Variants in BOK observed in about 807,000 individuals in gnomAD.
BOK encodes BCL2 family apoptosis regulator BOK, also known as bcl-2-related ovarian killer protein.
Under a neutral mutation model 18.3 loss-of-function variants are expected in BOK, and 20 were observed. That is an observed-to-expected ratio of 1.09 (90% CI 0.77 to 1.59). The LOEUF (loss-of-function observed/expected upper bound fraction) is 1.59. Ranked by LOEUF, BOK falls within the 40% of genes most tolerant of loss-of-function variation. BOK has a pLI of 0.00. For missense variants in BOK, 348 were observed against 307.9 expected (o/e 1.13, Z -0.97); for synonymous variants, 173 against 142.4 (o/e 1.21, Z -1.53).
In BOK at chr2:241,558,926, G is replaced by T. The variant is rs1211967519; in HGVS notation, c.-97G>T. 6.6e-6 allele frequency: 1 copy of T among 151,758 alleles called. No homozygotes were observed. The highest frequency in any genetic ancestry group is 1.5e-5 in the Non-Finnish European group (1 of 67,900). The allele number at this position is 151,758 out of a possible 1,614,324, so 9.4% of individuals were successfully genotyped here. ...GGGTCTGAATGGAAGGGTCGAGGTC[G>T]TCGTCGGCGGCGAGCAGATCCTGAA... On this transcript the variant is annotated 5_prime_UTR_variant, in exon 1 of 5. Coordinates refer to ENST00000318407, the MANE Select transcript of BOK (RefSeq NM_032515.5).
intron 3 of BOK, among the ~76,000 whole-genome samples, chr2:241,564,393 T>C (rs1452452247): frequency 2.6e-5 from 4 of 152,110 alleles, no homozygotes; most frequent in Admixed American, 2.0e-4. Flanking sequence ...CTGTGTTCCT[T>C]TGGGAGATCG....
At chr2:241,556,007 G>A (rs1000504861), upstream of BOK, among the ~76,000 whole-genome samples, 2 of 152,172 alleles carry the variant, frequency 1.3e-5, no homozygotes, top group Admixed American at 6.5e-5. Flanking sequence ...GGTACTTCAG[G>A]AACCATGGAG....
chr2:241,566,555 TCCAC>T (rs2066619971), intron 3 of BOK, among the ~76,000 whole-genome samples: 2 of 152,126 alleles, frequency 1.3e-5, no homozygotes, highest in Non-Finnish European at 2.9e-5. Flanking sequence ...CCTCAGGTGA[TCCAC>T]CCACTTCGGC....
chr2:241,553,648 G>C (rs545082652), intron 1 of BOK, among the ~76,000 whole-genome samples: 3 of 152,148 alleles, frequency 2.0e-5, no homozygotes, highest in Non-Finnish European at 2.9e-5. Context: ...GGCAGATCTC[G>C]TGAGAACTCA....
At chr2:241,566,031 T>A (rs2066605891) in intron 3 of BOK, among the ~76,000 whole-genome samples, 1 of 152,140 alleles carries the variant, frequency 6.6e-6, no homozygotes, top group Admixed American at 6.5e-5. Context: ...ACGCCTGTAA[T>A]CCCAGCACTT....
At chr2:241,556,322 C>T (rs1303493483), upstream of BOK, among the ~76,000 whole-genome samples, 4 of 152,190 alleles carry the variant, frequency 2.6e-5, no homozygotes, top group Admixed American at 6.5e-5. Flanking sequence ...CTGTGGCTTA[C>T]GCCTATAATC....
In BOK at chr2:241,570,168, G is replaced by C. The variant is rs200712559; in HGVS notation, c.393G>C (p.Ala131=). 4 of 1,610,962 alleles carry C rather than the reference G, an allele frequency of 2.5e-6. No individual in the cohort carries two copies. The highest frequency in any genetic ancestry group is 2.2e-5 in the East Asian group (1 of 44,816). ...GKVVSLYAVA[A]GLAVDCVRQA... ...TGGTGTCCCTGTATGCGGTGGCCGC[G>C]GGGCTGGCCGTGGACTGTGTGAGGC... is the stretch of plus-strand genomic sequence containing the variant. The change falls in exon 4 of 5, where the codon GCG becomes GCC. Residue 131 remains alanine, a synonymous_variant. Coordinates refer to ENST00000318407, the MANE Select transcript of BOK (RefSeq NM_032515.5).
chr2:241,557,022 C>G (rs911581554), upstream of BOK, among the ~76,000 whole-genome samples: 17 of 152,134 alleles, frequency 1.1e-4, no homozygotes, highest in Non-Finnish European at 2.1e-4. Flanking sequence ...TCCATACTAT[C>G]TTTTTATCCC....
intron 3 of BOK, among the ~76,000 whole-genome samples, chr2:241,568,213 T>C (rs1379894661): frequency 2.6e-5 from 4 of 152,280 alleles, no homozygotes; most frequent in South Asian, 2.1e-4. Context: ...CTCCGCCTCC[T>C]GGGTTCACAC....
rs1409111642 is a variant in BOK at position 241,572,419 on chromosome 2, A to T, written c.636A>T (p.Arg212Ser). Reference sequence around the variant, plus strand: ...CCTTCTTCGTGCTGCTGCCAGAGAGATGAGCTGCCCACCTGGCAGTGGCCG... The same window carrying T: ...CCTTCTTCGTGCTGCTGCCAGAGAGTTGAGCTGCCCACCTGGCAGTGGCCG... ...KAAFFVLLPE[R>S] The change falls in exon 5 of 5, where the codon AGA becomes AGT. Residue 212 changes from arginine (R) to serine (S), a missense_variant. By Grantham distance (110) the Arg-to-Ser change is moderately radical. Transcript: ENST00000318407. The T allele has an allele frequency of 6.3e-7, 1 of 1,597,162 alleles. No individual in the cohort carries two copies. Among genetic ancestry groups the T allele is most frequent in the Non-Finnish European group, 8.5e-7 (1 of 1,178,086 alleles).
At position 241,562,232 on chromosome 2, in the gene BOK, A is replaced by T; in HGVS notation, c.221-116A>T. On this transcript the variant is annotated intron_variant, in intron 2 of 4. Transcript: ENST00000318407. This position sits in a 1 kb window ranked among gnomAD's most constrained non-coding sequence, Gnocchi z 4.5. ...GGTGGGAATCAGACAAGTGAGGAAC[A>T]GGCTGGAATTCAAGCATGGTCAGGT... The T allele has an allele frequency of 7.5e-7, 1 of 1,328,894 alleles. No homozygotes were observed. Among genetic ancestry groups the T allele is most frequent in the Non-Finnish European group, 1.0e-6 (1 of 986,778 alleles). The allele number at this position is 1,328,894 out of a possible 1,614,324, so 82.3% of individuals were successfully genotyped here. A position where few individuals can be genotyped will look rare whatever the true frequency, so the allele number is the denominator to read the frequency against.
chr2:241,559,633 G>T lies in BOK; in HGVS notation c.150G>T (p.Trp50Cys), dbSNP rs1423718056. 9 of 1,418,734 alleles carry T rather than the reference G, an allele frequency of 6.3e-6. No homozygotes were observed. Among genetic ancestry groups the T allele is most frequent in the Admixed American group, 3.2e-5 (1 of 31,480 alleles). 87.9% of individuals were successfully genotyped at this position (1,418,734 alleles called of 1,614,324 possible). The change falls in exon 2 of 5, where the codon TGG becomes TGT. Residue 50 changes from tryptophan (W) to cysteine (C), a missense_variant. By Grantham distance (215) the Trp-to-Cys change is radical. Coordinates refer to ENST00000318407, the MANE Select transcript of BOK (RefSeq NM_032515.5). Reference protein sequence around the residue: ...HARLLRAGLSWSAPERAAPVP... With the variant: ...HARLLRAGLSCSAPERAAPVP... ...GGCTGCTGCGCGCCGGCCTCTCCTG[G>T]AGCGCGCCCGAGCGTGCCGCGCCGG...
intron 1 of BOK, among the ~76,000 whole-genome samples, chr2:241,552,813 G>A (rs62191729): frequency 0.14 from 21,518 of 152,190 alleles, 1,868 homozygotes; most frequent in African/African-American, 0.24. Context: ...AAGAAGCCAT[G>A]GCTCCGTGGG....
At chr2:241,558,054 GACAC>G (rs60885185), upstream of BOK, among the ~76,000 whole-genome samples, 4 of 143,242 alleles carry the variant, frequency 2.8e-5, no homozygotes, top group African/African-American at 5.3e-5. Context: ...AGAGTTCCGA[GACAC>G]ACACACACAC....
chr2:241,565,794 T>C lies in BOK; in HGVS notation c.349+3318T>C, dbSNP rs776748751. Among the ~76,000 whole-genome samples the C allele has an allele frequency of 1.7e-4, 26 of 152,242 alleles. 1 individual carries two copies. The highest frequency in any genetic ancestry group is 6.5e-5 in the Admixed American group (1 of 15,284). The stretch of plus-strand genomic sequence containing the variant: ...GGCAGAGGCCAACAAATGTTGTTTC[T>C]GGCTGTTTTCATTTAGGGCTTCAAA... On this transcript the variant is annotated intron_variant, in intron 3 of 4. Coordinates refer to ENST00000318407, the MANE Select transcript of BOK (RefSeq NM_032515.5).
At chr2:241,556,794 G>A (rs899348148), upstream of BOK, among the ~76,000 whole-genome samples, 1 of 152,088 alleles carries the variant, frequency 6.6e-6, no homozygotes, top group Non-Finnish European at 1.5e-5. Context: ...TTTAGTCTCT[G>A]TGCAGGTTTG....
At chr2:241,565,328 C>T (rs1324220221) in intron 3 of BOK, among the ~76,000 whole-genome samples, 3 of 152,090 alleles carry the variant, frequency 2.0e-5, no homozygotes, top group Non-Finnish European at 2.9e-5. Flanking sequence ...GCCTCGTGAC[C>T]TGCAACGGGT....
In BOK at chr2:241,573,111, A is replaced by C. The variant is rs2066750505; in HGVS notation, c.*689A>C. 1 of 115,740 alleles carries C rather than the reference A, an allele frequency of 8.6e-6. No individual in the cohort carries two copies. Among genetic ancestry groups the C allele is most frequent in the African/African-American group, 3.6e-5 (1 of 28,142 alleles). 7.2% of individuals were successfully genotyped at this position (115,740 alleles called of 1,614,324 possible). On this transcript the variant is annotated 3_prime_UTR_variant, in exon 5 of 5. Transcript: ENST00000318407. The stretch of plus-strand genomic sequence containing the variant: ...TGAGCCCCAGGTGAAGGGGCCCGGG[A>C]ACACCTGCTCTCACCTGAGCCCCTG...
In BOK at chr2:241,559,713, C is replaced by T. The variant is rs2066497200; in HGVS notation, c.220+10C>T. ...GTGCTGCTGCGCCTGGGTGAGTGCG[C>T]CCTGGTGGGATCCCCAGCTGCGCCT... On this transcript the variant is annotated intron_variant, in intron 2 of 4. Coordinates refer to ENST00000318407, the MANE Select transcript of BOK (RefSeq NM_032515.5). The T allele has an allele frequency of 2.3e-6, 3 of 1,299,108 alleles. No individual in the cohort carries two copies. Among genetic ancestry groups the T allele is most frequent in the Non-Finnish European group, 2.9e-6 (3 of 1,027,070 alleles). 80.5% of individuals were successfully genotyped at this position (1,299,108 alleles called of 1,614,324 possible). A position where few individuals can be genotyped will look rare whatever the true frequency, so the allele number is the denominator to read the frequency against.
Sources: allele counts gnomAD v4.1 joint callset (sites outside exome capture counted in the v4.1 genomes callset), GRCh38; gene constraint gnomAD v4.1.1; non-coding constraint Gnocchi (gnomAD v3.1); transcripts MANE v1.5; gene names NCBI Gene and HGNC (gene_info 2026-07-23, HGNC 2026-07-21).